Variants in DCLK1 observed in about 807,000 individuals in gnomAD.
DCLK1 encodes the protein doublecortin like kinase 1.
A neutral mutation model predicts 86.2 loss-of-function variants in DCLK1; 16 were observed. The ratio of observed to expected loss-of-function variants is 0.19; its 90% CI spans 0.13 to 0.28. The LOEUF (loss-of-function observed/expected upper bound fraction) is 0.28. Among genes scored for constraint, DCLK1 ranks in the 10% least tolerant of loss-of-function variants. The probability of loss-of-function intolerance (pLI) is 1.00; values close to 1 mark genes in which losing one functional copy is unlikely to be tolerated. For synonymous variants in DCLK1, 369 were observed against 370.5 expected, an observed-to-expected ratio of 1.00 and a Z score of 0.05; for missense variants, 590 against 940.2, an observed-to-expected ratio of 0.63 and a Z score of 4.87.
At chr13:35,829,399 T>C (rs1396089091) in intron 8 of DCLK1, among the ~76,000 whole-genome samples, 2 of 152,176 alleles carry the variant, frequency 1.3e-5, no homozygotes, top group African/African-American at 2.4e-5. Context: ...TTTTTACCTA[T>C]AGATAAAAGC....
At chr13:35,951,052 C>A (rs1342817654) in intron 3 of DCLK1, among the ~76,000 whole-genome samples, 4 of 152,004 alleles carry the variant, frequency 2.6e-5, no homozygotes, top group Non-Finnish European at 5.9e-5. Context: ...TCTTCCTTCA[C>A]AAATTTTCAA....
At chr13:36,041,246 C>G (rs1231336709) in intron 3 of DCLK1, among the ~76,000 whole-genome samples, 4 of 152,160 alleles carry the variant, frequency 2.6e-5, no homozygotes, top group Admixed American at 2.0e-4. Context: ...GTCTCCAACT[C>G]TAATCTACAA....
At chr13:36,043,531 TAA>T (rs1882769309) in intron 3 of DCLK1, among the ~76,000 whole-genome samples, 1 of 152,104 alleles carries the variant, frequency 6.6e-6, no homozygotes. Context: ...AGTAAAGATT[TAA>T]AGTGCCTAAA....
chr13:36,004,395 A>G (rs575923085), intron 3 of DCLK1, among the ~76,000 whole-genome samples: 1 of 152,356 alleles, frequency 6.6e-6, no homozygotes, highest in African/African-American at 2.4e-5. Flanking sequence ...ATAGCCTAAA[A>G]CAGGACCTGG....
chr13:35,966,967 C>A lies in DCLK1; in HGVS notation c.724-19510G>T, dbSNP rs541954245. ...GGAGCGTCTCTGCCTGGCCGCCCAT[C>A]GTCTGGGATGTGAGGAGCCCTTCTG... On this transcript the variant is annotated intron_variant, in intron 3 of 16. Transcript: ENST00000360631. 2.7e-3 allele frequency among the ~76,000 whole-genome samples: 404 copies of A among 151,208 alleles called. 1 individual carries two copies. Among genetic ancestry groups the A allele is most frequent in the South Asian group, 7.2e-3 (34 of 4,746 alleles).
At chr13:36,011,332 T>G (rs201233885) in intron 3 of DCLK1, among the ~76,000 whole-genome samples, 1 of 117,914 alleles carries the variant, frequency 8.5e-6, no homozygotes. Flanking sequence ...TTGTCAATTT[T>G]GGATCTTTCC....
intron 3 of DCLK1, among the ~76,000 whole-genome samples, chr13:36,069,302 C>T (rs1057436769): frequency 2.0e-5 from 3 of 151,972 alleles, no homozygotes; most frequent in South Asian, 2.1e-4. Flanking sequence ...TGAATCCAAG[C>T]GATATTAAAT....
chr13:35,990,527 C>A (rs1414251695), intron 3 of DCLK1, among the ~76,000 whole-genome samples: 6 of 152,064 alleles, frequency 3.9e-5, no homozygotes, highest in African/African-American at 1.4e-4. Context: ...CCTGGCCAAT[C>A]CCAGCCTTCT....
At chr13:35,817,104 T>C (rs559900586) in intron 11 of DCLK1, among the ~76,000 whole-genome samples, 1 of 152,300 alleles carries the variant, frequency 6.6e-6, no homozygotes, top group Admixed American at 6.5e-5. Context: ...TAGAAAGAAA[T>C]GAGTGTCATC....
intron 3 of DCLK1, among the ~76,000 whole-genome samples, chr13:35,979,239 G>T (rs1457215773): frequency 6.6e-6 from 1 of 152,142 alleles, no homozygotes; most frequent in Non-Finnish European, 1.5e-5. Context: ...AGTGCCAAGC[G>T]ACTTTCCAAT....
At chr13:35,825,949 A>T (rs970886169) in intron 10 of DCLK1, among the ~76,000 whole-genome samples, 14 of 151,540 alleles carry the variant, frequency 9.2e-5, no homozygotes, top group Non-Finnish European at 1.8e-4. Flanking sequence ...AGTAGCTGGG[A>T]TTACAGGCGC....
At chr13:35,810,785 G>C in intron 12 of DCLK1, 50 bp downstream of exon 12, 1 of 1,596,606 alleles carries the variant, frequency 6.3e-7, no homozygotes, top group Non-Finnish European at 8.6e-7. Flanking sequence ...TTCTCGAAGC[G>C]GGCTAGTTCT....
At chr13:35,921,069 G>A (rs971732005) in intron 4 of DCLK1, among the ~76,000 whole-genome samples, 2 of 152,010 alleles carry the variant, frequency 1.3e-5, no homozygotes, top group Non-Finnish European at 2.9e-5. Context: ...TTACCCCTGG[G>A]TCCCTCCAAT....
rs150397514 is a variant in DCLK1, at chr13:35,962,735, T to C, written c.724-15278A>G. Among the ~76,000 whole-genome samples, 280 of 152,334 alleles carry C rather than the reference T, an allele frequency of 1.8e-3. 3 individuals are homozygous for C. Among genetic ancestry groups the C allele is most frequent in the African/African-American group, 6.4e-3 (265 of 41,580 alleles). On this transcript the variant is annotated intron_variant, in intron 3 of 16. Coordinates refer to ENST00000360631, the MANE Select transcript of DCLK1 (RefSeq NM_001330071.2). ...GGTTTTAGAGGAAAACTCTAAAGCA[T>C]AGGAAATTCTGGTAACATACATATG... is the stretch of plus-strand genomic sequence containing the variant.
intron 7 of DCLK1, among the ~76,000 whole-genome samples, chr13:35,838,516 T>G (rs1285644774): frequency 1.3e-5 from 2 of 152,208 alleles, no homozygotes; most frequent in East Asian, 3.8e-4. Flanking sequence ...TGAAAATGCT[T>G]GTCCAAAACA....
At chr13:36,102,922 T>C (rs574307298) in intron 3 of DCLK1, among the ~76,000 whole-genome samples, 8 of 152,284 alleles carry the variant, frequency 5.3e-5, no homozygotes, top group Admixed American at 3.9e-4. Context: ...ACTGGGAAAC[T>C]TGGCTTCAGG....
rs537497134 is a variant in DCLK1, at chr13:35,852,876, A to C, written c.1035+1623T>G. Among the ~76,000 whole-genome samples the C allele has an allele frequency of 2.0e-5, 3 of 152,342 alleles. No homozygotes were observed. The East Asian group carries it at 5.8e-4, about 29-fold the overall frequency. On this transcript the variant is annotated intron_variant, in intron 6 of 16. Coordinates refer to ENST00000360631, the MANE Select transcript of DCLK1 (RefSeq NM_001330071.2). ...ACTCTTAATGTCAACAACTAAGCATAAACGACACCAATAAATCTTTAATCT... is the reference window on the plus strand; with the variant it reads ...ACTCTTAATGTCAACAACTAAGCATCAACGACACCAATAAATCTTTAATCT...
At chr13:36,065,611 T>C (rs1048863426) in intron 3 of DCLK1, among the ~76,000 whole-genome samples, 1 of 152,178 alleles carries the variant, frequency 6.6e-6, no homozygotes, top group Non-Finnish European at 1.5e-5. Context: ...CTCTTATCTC[T>C]AGAACTATAG....
intron 3 of DCLK1, among the ~76,000 whole-genome samples, chr13:36,053,593 T>C (rs534919236): frequency 6.6e-6 from 1 of 151,868 alleles, no homozygotes; most frequent in South Asian, 2.1e-4. Flanking sequence ...AAGTGTGACA[T>C]ATATTTCACA....
Sources: allele counts gnomAD v4.1 joint callset (sites outside exome capture counted in the v4.1 genomes callset), GRCh38; gene constraint gnomAD v4.1.1; transcripts MANE v1.5; gene names NCBI Gene and HGNC (gene_info 2026-07-23, HGNC 2026-07-21).